BIRC6: variants seen among roughly 807,000 people sequenced by gnomAD.
The protein encoded by BIRC6 is dual E2 ubiquitin-conjugating enzyme/E3 ubiquitin-protein ligase BIRC6.
BIRC6 carries 98 observed loss-of-function variants against 503.3 expected under a neutral mutation model. The observed-to-expected ratio is 0.19, with a 90% CI of 0.17 to 0.23. The LOEUF is 0.23. BIRC6 is among the 10% of genes least tolerant of loss of function. The probability of loss-of-function intolerance (pLI) is 1.00; values close to 1 mark genes in which losing one functional copy is unlikely to be tolerated. For synonymous variants in BIRC6, 2,240 were observed against 2,078.7 expected, an observed-to-expected ratio of 1.08 and a Z score of -2.11; for missense variants, 5,360 against 5,806.0, an observed-to-expected ratio of 0.92 and a Z score of 2.50.
At position 32,512,941 on chromosome 2, in the gene BIRC6, C is replaced by G. The variant is rs2054591189; in HGVS notation, c.10355C>G (p.Ala3452Gly). The change falls in exon 54 of 74, where the codon GCC becomes GGC. Residue 3452 changes from alanine (A) to glycine (G), a missense_variant. Ala to Gly is a moderately conservative substitution (Grantham distance 60). This residue lies in a region of BIRC6 where 878 missense variants were observed against 928.9 expected (regional missense o/e 0.95). Coordinates refer to ENST00000421745, the MANE Select transcript of BIRC6 (RefSeq NM_016252.4). ...QDPGTKDRIQ[A>G]LLKWVSDSAR... is the part of the protein sequence containing the mutation. ...CGTTTTCTTCGTTTAAGAATTCAGGCCTTGTTAAAATGGGTTAGTGATTCT... is the reference window on the plus strand; with the variant it reads ...CGTTTTCTTCGTTTAAGAATTCAGGGCTTGTTAAAATGGGTTAGTGATTCT... The G allele has an allele frequency of 2.5e-6, 4 of 1,613,722 alleles. No individual in the cohort carries two copies. The highest frequency in any genetic ancestry group is 3.4e-6 in the Non-Finnish European group (4 of 1,179,798).
At chr2:32,475,347 A>T (rs766642976) in intron 33 of BIRC6, among the ~76,000 whole-genome samples, 54 of 152,094 alleles carry the variant, frequency 3.6e-4, no homozygotes, top group Non-Finnish European at 6.2e-4. Flanking sequence ...CCAGATTGTA[A>T]GGTCTTTATG....
intron 60 of BIRC6, 36 bp downstream of exon 60, chr2:32,529,860 G>C (rs2056582923): frequency 7.3e-7 from 1 of 1,363,782 alleles, no homozygotes; most frequent in African/African-American, 1.5e-5. Context: ...ATTACAGACT[G>C]TCATACAAAG....
chr2:32,501,908 A>G lies in BIRC6; in HGVS notation c.9207+20A>G. The G allele has an allele frequency of 6.4e-7, 1 of 1,572,738 alleles. No individual in the cohort carries two copies. The highest frequency in any genetic ancestry group is 8.6e-7 in the Non-Finnish European group (1 of 1,163,166). On this transcript the variant is annotated intron_variant, in intron 47 of 73. Transcript: ENST00000421745. ...AGACAAGTAAGTTCAAGCCAACAAC[A>G]GTTGCAGTGATTCAAATAAATTTAT... is the stretch of plus-strand genomic sequence containing the variant.
At chr2:32,437,040 C>T (rs1020745616) in intron 15 of BIRC6, among the ~76,000 whole-genome samples, 18 of 151,850 alleles carry the variant, frequency 1.2e-4, no homozygotes, top group Admixed American at 3.3e-4. Flanking sequence ...AGGCGTGTGC[C>T]ACAATGCCTG....
chr2:32,411,525 T>C (rs1416242827), intron 9 of BIRC6, among the ~76,000 whole-genome samples: 1 of 151,484 alleles, frequency 6.6e-6, no homozygotes, highest in African/African-American at 2.4e-5. Context: ...TTGTCCAGGC[T>C]GGAGTGCAGT....
intron 31 of BIRC6, among the ~76,000 whole-genome samples, 171 bp downstream of exon 31, chr2:32,470,472 A>G (rs916900114): frequency 1.3e-5 from 2 of 151,864 alleles, no homozygotes; most frequent in African/African-American, 2.4e-5. Flanking sequence ...CCATATAGTT[A>G]ATACTTTTAA....
chr2:32,474,195 G>C (rs2049454305), intron 33 of BIRC6, among the ~76,000 whole-genome samples: 1 of 151,748 alleles, frequency 6.6e-6, no homozygotes, highest in African/African-American at 2.4e-5. Flanking sequence ...GATTTATGGG[G>C]CTTTTTTTTA....
At chr2:32,393,552 C>T (rs540818514) in intron 5 of BIRC6, among the ~76,000 whole-genome samples, 24 of 152,300 alleles carry the variant, frequency 1.6e-4, no homozygotes, top group African/African-American at 5.3e-4. Context: ...GCTCTGTCAA[C>T]CCAAGTTGGA....
rs143018616 is a variant in BIRC6, at chr2:32,395,678, A to T, written c.1034+85A>T. 957 of 1,265,812 alleles carry T rather than the reference A, an allele frequency of 7.6e-4. 5 individuals carry two copies. In the African/African-American group the frequency reaches 0.012, roughly 16 times the overall value. 78.4% of individuals were successfully genotyped at this position (1,265,812 alleles called of 1,614,324 possible). On this transcript the variant is annotated intron_variant, in intron 6 of 73. Transcript: ENST00000421745. ...AATTTTACTTTTCTGCTTATGATAT[A>T]ATTTTTTGCCTTTTTGCCACCTATA...
At chr2:32,564,005 G>T (rs1221127049) in intron 65 of BIRC6, 1 of 152,398 alleles carries the variant, frequency 6.6e-6, no homozygotes, top group Non-Finnish European at 1.5e-5. Flanking sequence ...TTGAACCCGG[G>T]AGGCGGAGGT....
chr2:32,582,454 C>T (rs1428556967), intron 66 of BIRC6, among the ~76,000 whole-genome samples: 1 of 152,054 alleles, frequency 6.6e-6, no homozygotes, highest in Non-Finnish European at 1.5e-5. Context: ...TTCTGTTCAT[C>T]CAAAGGTTTT....
chr2:32,416,803 C>T (rs1301750740), intron 10 of BIRC6, among the ~76,000 whole-genome samples: 1 of 139,236 alleles, frequency 7.2e-6, no homozygotes, highest in East Asian at 2.2e-4. Context: ...TCTTTCCCCC[C>T]TCCCCTTTCT....
chr2:32,525,501 A>G lies in BIRC6; in HGVS notation c.11793A>G (p.Thr3931=). The change falls in exon 59 of 74, where the codon ACA becomes ACG. Residue 3931 remains threonine (T), a synonymous_variant. Transcript: ENST00000421745. ...AATCTAAACGTGCTGTGTCAGCTAC[A>G]CCACCTCGCCCACCATCCAGGAGGG... is the stretch of plus-strand genomic sequence containing the variant. ...KSQSKRAVSA[T]PPRPPSRRGR... is the part of the protein sequence containing the mutation. The G allele has an allele frequency of 6.2e-7, 1 of 1,614,000 alleles. No individual in the cohort carries two copies. The highest frequency in any genetic ancestry group is 2.2e-5 in the East Asian group (1 of 44,882).
intron 33 of BIRC6, among the ~76,000 whole-genome samples, chr2:32,474,160 G>A (rs919800198): frequency 3.3e-5 from 5 of 151,640 alleles, no homozygotes; most frequent in Admixed American, 6.6e-5. Context: ...TTTTTGTTTT[G>A]TTTTTTATAT....
chr2:32,453,405 T>G (rs1470485098), intron 22 of BIRC6, among the ~76,000 whole-genome samples: 1 of 152,204 alleles, frequency 6.6e-6, no homozygotes. Context: ...TTAGAATGTA[T>G]TCTGATTTTA....
rs1310940849 is a variant in BIRC6, at chr2:32,485,645, C to T, written c.7699C>T (p.Leu2567=). ...QTVSVSVSQA[L]DARLEVGLEQ... Reference sequence around the variant, plus strand: ...TTTCTTTCAATTGCTTTTTGTAGCCCTGGATGCTCGCCTAGAAGTTGGACT... The same window carrying T: ...TTTCTTTCAATTGCTTTTTGTAGCCTTGGATGCTCGCCTAGAAGTTGGACT... Residue 2567 remains leucine, a splice_region_variant and synonymous_variant, in exon 40 of 74, where the codon CTG becomes TTG. Coordinates refer to ENST00000421745, the MANE Select transcript of BIRC6 (RefSeq NM_016252.4). 6.2e-7 allele frequency: 1 copy of T among 1,608,464 alleles called. No individual in the cohort carries two copies. Among genetic ancestry groups the T allele is most frequent in the Non-Finnish European group, 8.5e-7 (1 of 1,175,622 alleles).
In BIRC6 at chr2:32,593,934, A is replaced by G. The variant is rs1239243470; in HGVS notation, c.13375A>G (p.Lys4459Glu). ...NRLRSKRENVKTGVKPDASDQ... is the reference protein window; with the variant it reads ...NRLRSKRENVETGVKPDASDQ... Reference sequence around the variant, plus strand: ...ATTCAGATCTAAAAGGGAAAATGTTAAAACAGGAGTAAAACCAGATGCGTC... The same window carrying G: ...ATTCAGATCTAAAAGGGAAAATGTTGAAACAGGAGTAAAACCAGATGCGTC... The change falls in exon 67 of 74, where the codon AAA becomes GAA. Residue 4459 changes from lysine to glutamate, a missense_variant. Lys to Glu is a moderately conservative substitution (Grantham distance 56, BLOSUM62 1). Transcript: ENST00000421745. The G allele has an allele frequency of 1.2e-6, 2 of 1,611,098 alleles. No homozygotes were observed. The highest frequency in any genetic ancestry group is 3.4e-5 in the Admixed American group (2 of 59,426).
intron 72 of BIRC6, among the ~76,000 whole-genome samples, chr2:32,609,169 C>G (rs1208217895): frequency 6.6e-6 from 1 of 152,136 alleles, no homozygotes; most frequent in African/African-American, 2.4e-5. Context: ...CAGGCGTGAG[C>G]CACTGCGCCT....
In BIRC6 at chr2:32,357,940, G is replaced by A. The variant is rs2033377149; in HGVS notation, c.325+454G>A. ...GGGGAGCGTCTGAGCCGGCAACCAA[G>A]CCCTCCCTTGTGGGAGAGGAGCCGG... On this transcript the variant is annotated intron_variant, in intron 1 of 73. Coordinates refer to ENST00000421745, the MANE Select transcript of BIRC6 (RefSeq NM_016252.4). This position sits in a 1 kb window ranked among gnomAD's most constrained non-coding sequence, Gnocchi z 4.9. 1.3e-5 allele frequency among the ~76,000 whole-genome samples: 2 copies of A among 151,846 alleles called. No homozygotes were observed.
Sources: allele counts gnomAD v4.1 joint callset (sites outside exome capture counted in the v4.1 genomes callset), GRCh38; gene constraint gnomAD v4.1.1; regional missense constraint gnomAD v4.1.1; non-coding constraint Gnocchi (gnomAD v3.1); transcripts MANE v1.5; gene names NCBI Gene and HGNC (gene_info 2026-07-23, HGNC 2026-07-21).